Variants in VSNL1 observed in about 807,000 individuals in gnomAD.
VSNL1 encodes visinin like 1.
In VSNL1, 6 loss-of-function variants were observed where a neutral mutation model predicts 20.4. That is an observed-to-expected ratio of 0.29 (90% CI 0.16 to 0.58). The LOEUF is 0.58. Among genes scored for constraint, VSNL1 ranks in the 20% least tolerant of loss-of-function variants. VSNL1 has a pLI of 0.90. For synonymous variants in VSNL1, 93 were observed against 86.4 expected, an observed-to-expected ratio of 1.08 and a Z score of -0.42; for missense variants, 100 against 234.5, an observed-to-expected ratio of 0.43 and a Z score of 3.75.
intron 2 of VSNL1, among the ~76,000 whole-genome samples, chr2:17,632,451 T>C (rs916175890): frequency 2.0e-5 from 3 of 151,856 alleles, no homozygotes; most frequent in Admixed American, 6.6e-5. Flanking sequence ...CAGGCATGCA[T>C]CACCACACCC....
chr2:17,558,195 A>G (rs1337015724), intron 1 of VSNL1, among the ~76,000 whole-genome samples: 1 of 152,224 alleles, frequency 6.6e-6, no homozygotes, highest in Non-Finnish European at 1.5e-5. Flanking sequence ...AAGGTTTTAA[A>G]GGGTTATAAA....
chr2:17,564,394 T>A (rs1049182743), intron 1 of VSNL1, among the ~76,000 whole-genome samples: 1 of 152,218 alleles, frequency 6.6e-6, no homozygotes, highest in Non-Finnish European at 1.5e-5. Flanking sequence ...AATGTACCTT[T>A]ATTACACCAT....
chr2:17,594,281 G>C (rs992830029), intron 2 of VSNL1, among the ~76,000 whole-genome samples: 1 of 152,104 alleles, frequency 6.6e-6, no homozygotes, highest in African/African-American at 2.4e-5. Context: ...TCTGAACTTA[G>C]GTCTATATTT....
At chr2:17,611,312 C>T (rs148585620) in intron 2 of VSNL1, among the ~76,000 whole-genome samples, 3 of 152,366 alleles carry the variant, frequency 2.0e-5, no homozygotes, top group African/African-American at 7.2e-5. Context: ...TAGGTTCTAA[C>T]TTCACATTTC....
intron 3 of VSNL1, among the ~76,000 whole-genome samples, chr2:17,654,192 G>A (rs1364270446): frequency 6.6e-6 from 1 of 152,096 alleles, no homozygotes; most frequent in African/African-American, 2.4e-5. Context: ...GTATAGATGG[G>A]CATTTATTTT....
chr2:17,612,566 G>A (rs1480761763), intron 2 of VSNL1, among the ~76,000 whole-genome samples: 1 of 152,226 alleles, frequency 6.6e-6, no homozygotes, highest in Non-Finnish European at 1.5e-5. Context: ...GAAGAGGCCA[G>A]GGAAGGAGGA....
chr2:17,649,047 C>G lies in VSNL1; in HGVS notation c.163-363C>G, dbSNP rs1303392259. 1.3e-5 allele frequency among the ~76,000 whole-genome samples: 2 copies of G among 152,174 alleles called. No individual in the cohort carries two copies. The highest frequency in any genetic ancestry group is 2.9e-5 in the Non-Finnish European group (2 of 68,028). On this transcript the variant is annotated intron_variant, in intron 2 of 3. Transcript: ENST00000295156. The surrounding 1 kb of genome is among the most constrained non-coding windows in gnomAD (Gnocchi z 6.4). ...GAGGAACATTGAAGTTCGTGTAGCA[C>G]CACCTGTGTGGGGAGAGAAACTGCT...
In VSNL1 at chr2:17,568,100, A is replaced by C. The variant is rs573682281; in HGVS notation, c.-5-23970A>C. Among the ~76,000 whole-genome samples the C allele has an allele frequency of 2.0e-5, 3 of 152,266 alleles. No homozygotes were observed. The South Asian group carries it at 6.2e-4, about 32-fold the overall frequency. ...TATCTTCTTATATTATATTTTTAAT[A>C]TATGCTAGGCTTATTTTTTGGCCTC... is the stretch of plus-strand genomic sequence containing the variant. On this transcript the variant is annotated intron_variant, in intron 1 of 3. Coordinates refer to ENST00000295156, the MANE Select transcript of VSNL1 (RefSeq NM_003385.5).
intron 1 of VSNL1, among the ~76,000 whole-genome samples, chr2:17,555,396 TC>T (rs1663652150): frequency 6.6e-6 from 1 of 152,186 alleles, no homozygotes; most frequent in East Asian, 1.9e-4. Context: ...TAGGCTGAGA[TC>T]CTGGAGCACT....
intron 2 of VSNL1, among the ~76,000 whole-genome samples, chr2:17,610,696 C>G (rs1363171878): frequency 6.6e-6 from 1 of 152,154 alleles, no homozygotes; most frequent in African/African-American, 2.4e-5. Flanking sequence ...CAGAACAGCC[C>G]TGTTGAGGAC....
intron 1 of VSNL1, among the ~76,000 whole-genome samples, chr2:17,547,768 A>G (rs1217983485): frequency 1.3e-5 from 2 of 152,112 alleles, no homozygotes; most frequent in African/African-American, 4.8e-5. Flanking sequence ...GCCAGCATAT[A>G]ATTGAGTCCA....
intron 1 of VSNL1, among the ~76,000 whole-genome samples, chr2:17,590,516 C>T (rs891953028): frequency 6.6e-6 from 1 of 152,104 alleles, no homozygotes; most frequent in African/African-American, 2.4e-5. Flanking sequence ...ATACTGGGCC[C>T]TTTTCTCATG....
At position 17,655,455 on chromosome 2, in the gene VSNL1, T is replaced by TCACACACA. The variant is rs3064980; in HGVS notation, c.*100_*107dup. On this transcript the variant is annotated 3_prime_UTR_variant, in exon 4 of 4. Coordinates refer to ENST00000295156, the MANE Select transcript of VSNL1 (RefSeq NM_003385.5). This position sits in a 1 kb window ranked among gnomAD's most constrained non-coding sequence, Gnocchi z 5.2. Reference sequence around the variant, plus strand: ...AATGTTCCATTCAGTCTGCAGCTATTCACACACACACACACACACACACAC... The same window carrying TCACACACA: ...AATGTTCCATTCAGTCTGCAGCTATTCACACACACACACACACACACACACACACACAC... The TCACACACA allele has an allele frequency of 0.039, 20,621 of 535,114 alleles. 400 individuals are homozygous for TCACACACA. Among genetic ancestry groups the TCACACACA allele is most frequent in the Non-Finnish European group, 0.048 (14,740 of 304,942 alleles). The allele number at this position is 535,114 out of a possible 1,614,324, so 33.1% of individuals were successfully genotyped here.
intron 1 of VSNL1, among the ~76,000 whole-genome samples, chr2:17,585,747 C>T (rs894788053): frequency 6.6e-6 from 1 of 152,070 alleles, no homozygotes; most frequent in African/African-American, 2.4e-5. Context: ...AGCAGAGGAG[C>T]CTACAGGCAA....
intron 2 of VSNL1, among the ~76,000 whole-genome samples, chr2:17,647,927 G>C (rs1270402400): frequency 1.3e-5 from 2 of 152,152 alleles, no homozygotes; most frequent in East Asian, 1.9e-4. Flanking sequence ...TAAGAGAAGT[G>C]AAAGATATGT....
At chr2:17,650,651 C>T (rs1308659525) in intron 3 of VSNL1, among the ~76,000 whole-genome samples, 1 of 152,230 alleles carries the variant, frequency 6.6e-6, no homozygotes, top group African/African-American at 2.4e-5. Context: ...GAGCTGAGAT[C>T]AGGCAGGGTG....
intron 1 of VSNL1, among the ~76,000 whole-genome samples, chr2:17,579,337 G>C (rs534906433): frequency 3.3e-5 from 5 of 151,896 alleles, no homozygotes; most frequent in Admixed American, 3.3e-4. Flanking sequence ...GGATAGTGTC[G>C]ATCTCCTGAC....
At chr2:17,598,695 A>C (rs1018376917) in intron 2 of VSNL1, among the ~76,000 whole-genome samples, 1 of 152,226 alleles carries the variant, frequency 6.6e-6, no homozygotes, top group Non-Finnish European at 1.5e-5. Flanking sequence ...AATCAGATTC[A>C]TTGAGGATTC....
intron 1 of VSNL1, among the ~76,000 whole-genome samples, chr2:17,570,236 A>G: frequency 6.6e-6 from 1 of 152,214 alleles, no homozygotes; most frequent in East Asian, 1.9e-4. Context: ...CTGTGTTTTT[A>G]AATCATTTAT....
Sources: gnomAD v4.1 joint callset for allele counts (sites outside exome capture counted in the v4.1 genomes callset) on GRCh38, gnomAD v4.1.1 for gene constraint, Gnocchi (gnomAD v3.1) non-coding constraint, MANE v1.5 for transcripts, NCBI Gene and HGNC (gene_info 2026-07-23, HGNC 2026-07-21) for gene names.